The following PLPPR5 variants were observed in gnomAD, a reference collection of about 807,000 sequenced individuals.
PLPPR5 encodes the protein phospholipid phosphatase related 5, also known as phospholipid phosphatase-related protein type 5.
In PLPPR5, 16 loss-of-function variants were observed where a neutral mutation model predicts 33.9. The observed-to-expected ratio is 0.47, with a 90% confidence interval of 0.32 to 0.72. The LOEUF (loss-of-function observed/expected upper bound fraction) is 0.72, where lower values mean the gene tolerates loss of function less well. PLPPR5 is among the 30% of genes least tolerant of loss of function. The pLI, the probability that PLPPR5 is intolerant of heterozygous loss-of-function variation, is 0.03. For synonymous variants in PLPPR5, 163 were observed against 150.3 expected (o/e 1.08, Z -0.62); for missense variants, 301 against 406.7 (o/e 0.74, Z 2.23).
rs1648265589 is a variant in PLPPR5, at chr1:98,891,299, G to A, written c.*1773C>T. The A allele has an allele frequency of 1.3e-5, 2 of 151,972 alleles. No individual in the cohort carries two copies. The highest frequency in any genetic ancestry group is 4.1e-4 in the South Asian group (2 of 4,824). 9.4% of individuals were successfully genotyped at this position (151,972 alleles called of 1,614,324 possible). A position where few individuals can be genotyped will look rare whatever the true frequency, so the allele number is the denominator to read the frequency against. On this transcript the variant is annotated 3_prime_UTR_variant, in exon 6 of 6. Transcript: ENST00000263177. ...GAAATGGGCAAATAACATCTATTTGGGGAGTAATGGACAATCTTTGGTTAT... is the reference window on the plus strand; with the variant it reads ...GAAATGGGCAAATAACATCTATTTGAGGAGTAATGGACAATCTTTGGTTAT...
chr1:98,897,994 T>C (rs1446268623), intron 5 of PLPPR5, among the ~76,000 whole-genome samples: 3 of 152,014 alleles, frequency 2.0e-5, no homozygotes, highest in African/African-American at 7.2e-5. Flanking sequence ...TTTTAAGTAA[T>C]TGGTTAGAAT....
chr1:99,000,038 T>C (rs1652769833), intron 1 of PLPPR5, among the ~76,000 whole-genome samples: 1 of 152,160 alleles, frequency 6.6e-6, no homozygotes, highest in Non-Finnish European at 1.5e-5. Flanking sequence ...GCGGCCACTG[T>C]ATCCAAATTT....
chr1:98,978,997 G>A (rs779148623), intron 1 of PLPPR5, among the ~76,000 whole-genome samples: 1 of 151,910 alleles, frequency 6.6e-6, no homozygotes, highest in Non-Finnish European at 1.5e-5. Context: ...CTCAGAGAAG[G>A]CTTCTCTATA....
intron 1 of PLPPR5, among the ~76,000 whole-genome samples, chr1:98,991,638 A>G (rs936682121): frequency 4.6e-5 from 7 of 151,950 alleles, no homozygotes; most frequent in Admixed American, 2.0e-4. Context: ...TTCAAACACT[A>G]TGAAACCACC....
intron 3 of PLPPR5, among the ~76,000 whole-genome samples, chr1:98,925,733 A>G (rs1021502890): frequency 6.6e-6 from 1 of 152,218 alleles, no homozygotes; most frequent in Non-Finnish European, 1.5e-5. Flanking sequence ...CCTACTATGC[A>G]TCAGAGGCTG....
At chr1:98,955,059 C>G (rs918981763) in intron 2 of PLPPR5, among the ~76,000 whole-genome samples, 2 of 151,992 alleles carry the variant, frequency 1.3e-5, no homozygotes, top group Non-Finnish European at 2.9e-5. Flanking sequence ...GTAAGTGTAT[C>G]TACACTTACC....
At chr1:98,957,217 G>A (rs142139969) in intron 1 of PLPPR5, among the ~76,000 whole-genome samples, 38,874 of 146,712 alleles carry the variant, frequency 0.26, 5,625 homozygotes, top group East Asian at 0.48. Flanking sequence ...GGATAGCATT[G>A]GGAGATATAC....
At chr1:98,924,032 C>A (rs1649666220) in intron 3 of PLPPR5, among the ~76,000 whole-genome samples, 1 of 152,116 alleles carries the variant, frequency 6.6e-6, no homozygotes, top group African/African-American at 2.4e-5. Context: ...TTTTGCATTT[C>A]TTTACATCTG....
At chr1:98,942,066 G>GGA (rs1475343800) in intron 3 of PLPPR5, among the ~76,000 whole-genome samples, 2 of 102,826 alleles carry the variant, frequency 1.9e-5, no homozygotes, top group African/African-American at 3.7e-5. Context: ...GATAGAGAGA[G>GGA]AGAGGAAGAA....
chr1:98,975,174 T>G (rs1325024877), intron 1 of PLPPR5, among the ~76,000 whole-genome samples: 2 of 152,086 alleles, frequency 1.3e-5, no homozygotes, highest in Non-Finnish European at 2.9e-5. Flanking sequence ...ATGCCTTGAC[T>G]GCGTCCGTGC....
chr1:98,900,017 A>G (rs1648633704), intron 5 of PLPPR5, among the ~76,000 whole-genome samples: 2 of 152,092 alleles, frequency 1.3e-5, no homozygotes, highest in African/African-American at 4.8e-5. Flanking sequence ...ATTCATAGCT[A>G]TATTCTCAAC....
chr1:98,962,573 T>G lies in PLPPR5; in HGVS notation c.238-5832A>C, dbSNP rs1023607850. 3.9e-5 allele frequency among the ~76,000 whole-genome samples: 6 copies of G among 152,328 alleles called. No individual in the cohort carries two copies. The East Asian group carries it at 1.2e-3, about 29-fold the overall frequency. ...GCATACTCAGAACTTGCCTTTGTGC[T>G]TCCATTTTCTCTGCTCTTCAAACTG... On this transcript the variant is annotated intron_variant, in intron 1 of 5. Transcript: ENST00000263177.
chr1:98,992,762 G>A (rs1652491811), intron 1 of PLPPR5, among the ~76,000 whole-genome samples: 1 of 151,982 alleles, frequency 6.6e-6, no homozygotes, highest in East Asian at 1.9e-4. Flanking sequence ...TAGTCACTCA[G>A]AAAAAAACTC....
At chr1:98,996,977 T>C (rs901678949) in intron 1 of PLPPR5, among the ~76,000 whole-genome samples, 3 of 152,146 alleles carry the variant, frequency 2.0e-5, no homozygotes, top group Non-Finnish European at 4.4e-5. Context: ...ATCCTAGATA[T>C]GTCATTTACC....
intron 1 of PLPPR5, among the ~76,000 whole-genome samples, chr1:98,992,216 T>C (rs1652475276): frequency 2.0e-5 from 3 of 152,146 alleles, no homozygotes; most frequent in African/African-American, 7.2e-5. Context: ...CTCATAGAAC[T>C]ACTTTCTCAA....
At chr1:98,921,571 T>C (rs996199535) in intron 4 of PLPPR5, among the ~76,000 whole-genome samples, 1 of 152,198 alleles carries the variant, frequency 6.6e-6, no homozygotes, top group African/African-American at 2.4e-5. Context: ...TAGGCAGTTT[T>C]TACCCAGTCT....
intron 3 of PLPPR5, among the ~76,000 whole-genome samples, chr1:98,948,115 C>T (rs987536127): frequency 1.3e-5 from 2 of 152,134 alleles, no homozygotes; most frequent in African/African-American, 4.8e-5. Flanking sequence ...AAATCACCTG[C>T]TACAAGTAAA....
chr1:98,974,868 C>A (rs77127634), intron 1 of PLPPR5, among the ~76,000 whole-genome samples: 3,199 of 152,144 alleles, frequency 0.021, 46 homozygotes, highest in African/African-American at 0.035. Context: ...ACCTCAGTTG[C>A]TCTAAGGCTG....
At chr1:98,938,405 A>C (rs1320520727) in intron 3 of PLPPR5, among the ~76,000 whole-genome samples, 2 of 146,226 alleles carry the variant, frequency 1.4e-5, no homozygotes, top group African/African-American at 5.1e-5. Flanking sequence ...CCTGAGAAAC[A>C]GGGCAAGATC....
Sources: allele counts gnomAD v4.1 joint callset (sites outside exome capture counted in the v4.1 genomes callset), GRCh38; gene constraint gnomAD v4.1.1; transcripts MANE v1.5; gene names NCBI Gene and HGNC (gene_info 2026-07-23, HGNC 2026-07-21).